FMNL2: variants seen among roughly 807,000 people sequenced by gnomAD.
FMNL2 encodes the protein formin like 2, also known as formin-like protein 2.
Under a neutral mutation model 130.2 loss-of-function variants are expected in FMNL2, and 51 were observed. The observed-to-expected ratio is 0.39, with a 90% CI of 0.31 to 0.49. The LOEUF (loss-of-function observed/expected upper bound fraction) is 0.49. Ranked by LOEUF, FMNL2 falls within the 20% of genes least tolerant of loss-of-function variation. FMNL2 has a pLI of 0.85. For missense variants in FMNL2, 977 were observed against 1,316.2 expected (o/e 0.74, Z 3.99); for synonymous variants, 465 against 467.1 (o/e 1.00, Z 0.06).
At chr2:152,425,169 CA>C (rs1330269850) in intron 1 of FMNL2, among the ~76,000 whole-genome samples, 2 of 152,144 alleles carry the variant, frequency 1.3e-5, no homozygotes. Flanking sequence ...AGGAGCAGTC[CA>C]GTTTTCTGGG....
intron 9 of FMNL2, 70 bp downstream of exon 9, chr2:152,581,119 T>C: frequency 7.2e-7 from 1 of 1,392,980 alleles, no homozygotes; most frequent in East Asian, 2.3e-5. Context: ...AACGGAATTA[T>C]TTACCTTTTC....
At chr2:152,364,261 GTTTTTTTTTTTTTT>G (rs869062341) in intron 1 of FMNL2, among the ~76,000 whole-genome samples, 5 of 24,460 alleles carry the variant, frequency 2.0e-4, no homozygotes, top group African/African-American at 5.1e-4. Flanking sequence ...AGGTTTGTGT[GTTTTTTTTTTTTTT>G]TTTTTTTTTT....
chr2:152,371,668 C>CAAAAAAAAA (rs71394476), intron 1 of FMNL2, among the ~76,000 whole-genome samples: 2 of 66,228 alleles, frequency 3.0e-5, no homozygotes, highest in African/African-American at 1.2e-4. Context: ...GACTCTGTCT[C>CAAAAAAAAA]AAAAAAAAAA....
At chr2:152,361,959 G>C (rs1477249304) in intron 1 of FMNL2, among the ~76,000 whole-genome samples, 1 of 152,048 alleles carries the variant, frequency 6.6e-6, no homozygotes, top group African/African-American at 2.4e-5. Context: ...TTTCCCATTA[G>C]TACACATAAT....
chr2:152,336,879 TTTTC>T (rs1164446288), intron 1 of FMNL2, among the ~76,000 whole-genome samples: 1 of 152,044 alleles, frequency 6.6e-6, no homozygotes, highest in South Asian at 2.1e-4. Context: ...TGCCTGCGGG[TTTTC>T]TTTTCTTCTT....
chr2:152,636,389 C>T (rs1039312263), intron 21 of FMNL2, 38 bp from the exon 22 acceptor site: 12 of 1,584,134 alleles, frequency 7.6e-6, no homozygotes, highest in Non-Finnish European at 9.5e-6. Context: ...TGTGACTTCC[C>T]CATTGAGTTT....
chr2:152,558,797 T>C lies in FMNL2; in HGVS notation c.417T>C (p.Tyr139=), dbSNP rs1695371347. 1 of 1,613,322 alleles carries C rather than the reference T, an allele frequency of 6.2e-7. No individual in the cohort carries two copies. Among genetic ancestry groups the C allele is most frequent in the African/African-American group, 1.3e-5 (1 of 74,818 alleles). Residue 139 remains tyrosine, a synonymous_variant, in exon 5 of 26, where the codon TAT becomes TAC. Transcript: ENST00000288670. Reference sequence around the variant, plus strand: ...AAGGTCTTGATGTTCTAGTGGAATATCTCTCATTTGCACAGTACGCGGTAA... The same window carrying C: ...AAGGTCTTGATGTTCTAGTGGAATACCTCTCATTTGCACAGTACGCGGTAA... ...ENKGLDVLVE[Y]LSFAQYAVTF...
At chr2:152,336,830 C>A (rs1221067117) in intron 1 of FMNL2, among the ~76,000 whole-genome samples, 1 of 152,232 alleles carries the variant, frequency 6.6e-6, no homozygotes, top group Admixed American at 6.5e-5. Flanking sequence ...GACTAGGCAG[C>A]AAGGGAAACT....
chr2:152,402,568 A>G (rs1178818538), intron 1 of FMNL2, among the ~76,000 whole-genome samples: 1 of 152,230 alleles, frequency 6.6e-6, no homozygotes, highest in Non-Finnish European at 1.5e-5. Flanking sequence ...GAGTGAGGGT[A>G]GGAAGGTGCA....
At chr2:152,380,581 AG>A (rs1207097230) in intron 1 of FMNL2, among the ~76,000 whole-genome samples, 1 of 152,204 alleles carries the variant, frequency 6.6e-6, no homozygotes, top group Non-Finnish European at 1.5e-5. Flanking sequence ...ACCTTGGCTC[AG>A]GTTTTCCCCT....
chr2:152,585,869 G>A (rs1389617528), intron 9 of FMNL2, among the ~76,000 whole-genome samples: 1 of 147,370 alleles, frequency 6.8e-6, no homozygotes, highest in Non-Finnish European at 1.5e-5. Context: ...TATATTCTTT[G>A]ATATATTTGA....
At chr2:152,442,007 C>G (rs1053201185) in intron 1 of FMNL2, among the ~76,000 whole-genome samples, 2 of 151,902 alleles carry the variant, frequency 1.3e-5, no homozygotes, top group African/African-American at 4.8e-5. Context: ...GAAATGGTGG[C>G]TAGGGGAGTT....
intron 3 of FMNL2, among the ~76,000 whole-genome samples, chr2:152,543,573 TTCTC>T (rs996116536): frequency 6.6e-6 from 1 of 152,024 alleles, no homozygotes; most frequent in Non-Finnish European, 1.5e-5. Flanking sequence ...CTCAGGCTGA[TTCTC>T]TCTGTTGTTT....
At chr2:152,455,975 C>T (rs1027263067) in intron 1 of FMNL2, among the ~76,000 whole-genome samples, 7 of 152,344 alleles carry the variant, frequency 4.6e-5, no homozygotes, top group South Asian at 2.1e-4. Flanking sequence ...CTCGGCCTCC[C>T]GAAGTGTTGG....
intron 1 of FMNL2, among the ~76,000 whole-genome samples, chr2:152,458,626 A>G (rs1328477075): frequency 6.6e-6 from 1 of 152,154 alleles, no homozygotes; most frequent in Non-Finnish European, 1.5e-5. Flanking sequence ...ATCCTAAAAT[A>G]CTTGGTAAAG....
intron 20 of FMNL2, among the ~76,000 whole-genome samples, chr2:152,631,616 G>T (rs192507599): frequency 6.6e-6 from 1 of 152,010 alleles, no homozygotes; most frequent in Non-Finnish European, 1.5e-5. Context: ...AGAGTGGTGC[G>T]CAATTCAAAT....
chr2:152,478,738 C>T (rs1272051611), intron 1 of FMNL2, among the ~76,000 whole-genome samples: 1 of 151,658 alleles, frequency 6.6e-6, no homozygotes. Flanking sequence ...AGGATGAGAG[C>T]TAAATTTCAG....
In FMNL2 at chr2:152,637,839, T is replaced by TA. The variant is rs3215380; in HGVS notation, c.2946+166dup. 3.3e-5 allele frequency among the ~76,000 whole-genome samples: 5 copies of TA among 152,194 alleles called. No individual in the cohort carries two copies. In the East Asian group the frequency reaches 9.7e-4, roughly 29 times the overall value. On this transcript the variant is annotated intron_variant, in intron 23 of 25. Coordinates refer to ENST00000288670, the MANE Select transcript of FMNL2 (RefSeq NM_052905.4). The stretch of plus-strand genomic sequence containing the variant: ...TAGCTCTGTGGAGGCTGAGGGACAT[T>TA]ATGGTCCCTTTCTCCACCTAGCCAG...
intron 1 of FMNL2, among the ~76,000 whole-genome samples, chr2:152,431,098 G>A (rs1452032075): frequency 6.6e-6 from 1 of 152,100 alleles, no homozygotes; most frequent in East Asian, 1.9e-4. Context: ...TTTCTGCAGG[G>A]ATCTTGAGAA....
Sources: gnomAD v4.1 joint callset for allele counts (sites outside exome capture counted in the v4.1 genomes callset) on GRCh38, gnomAD v4.1.1 for gene constraint, MANE v1.5 for transcripts, NCBI Gene and HGNC (gene_info 2026-07-23, HGNC 2026-07-21) for gene names.